Variants in SPIDR observed in about 807,000 individuals in gnomAD.
SPIDR encodes DNA repair-scaffolding protein.
In SPIDR, 93 loss-of-function variants were observed where a neutral mutation model predicts 104.6. That is an observed-to-expected ratio of 0.89 (90% CI 0.75 to 1.06). SPIDR has a LOEUF of 1.06. SPIDR is among the 50% of genes least tolerant of loss of function. The pLI, the probability that SPIDR is intolerant of heterozygous loss-of-function variation, is 0.00. For missense variants in SPIDR, 1,154 were observed against 1,111.2 expected, an observed-to-expected ratio of 1.04 and a Z score of -0.55; for synonymous variants, 431 against 416.9, an observed-to-expected ratio of 1.03 and a Z score of -0.41.
chr8:47,599,313 C>A lies in SPIDR; in HGVS notation c.1544+117C>A, dbSNP rs1384742214. The A allele has an allele frequency of 2.2e-6, 3 of 1,377,712 alleles. No individual in the cohort carries two copies. The Admixed American group carries it at 8.3e-5, about 38-fold the overall frequency. The allele number at this position is 1,377,712 out of a possible 1,614,324, so 85.3% of individuals were successfully genotyped here. A position where few individuals can be genotyped will look rare whatever the true frequency, so the allele number is the denominator to read the frequency against. ...TAGCTGCATTCACCATATACGTGAG[C>A]TGTTTTTGTTTTTCCTTGCATCAAA... is the stretch of plus-strand genomic sequence containing the variant. On this transcript the variant is annotated intron_variant, in intron 10 of 19. Coordinates refer to ENST00000297423, the MANE Select transcript of SPIDR (RefSeq NM_001080394.4).
At chr8:47,363,536 T>G (rs1374271485) in intron 5 of SPIDR, among the ~76,000 whole-genome samples, 3 of 151,450 alleles carry the variant, frequency 2.0e-5, no homozygotes, top group African/African-American at 7.3e-5. Flanking sequence ...AAAGAGTATT[T>G]CAGACTCTTC....
At chr8:47,271,089 T>C (rs1032259045) in intron 1 of SPIDR, among the ~76,000 whole-genome samples, 2 of 152,212 alleles carry the variant, frequency 1.3e-5, no homozygotes, top group African/African-American at 2.4e-5. Flanking sequence ...TTAACACTTA[T>C]TGAGGATCCT....
At chr8:47,727,125 C>G (rs2084368428) in intron 16 of SPIDR, 75 bp from the exon 17 acceptor site, 1 of 1,305,106 alleles carries the variant, frequency 7.7e-7, no homozygotes, top group South Asian at 1.2e-5. Flanking sequence ...ATGTTGTCCT[C>G]TGCACGTGGA....
chr8:47,714,178 TGATGTCCTCCCTGCAGAGCAGAGTGGA>T (rs1310550170), intron 16 of SPIDR, among the ~76,000 whole-genome samples: 1 of 152,074 alleles, frequency 6.6e-6, no homozygotes, highest in African/African-American at 2.4e-5. Flanking sequence ...CGGCCTGGTC[TGATGTCCTCCCTGCAGAGCAGAGTGGA>T]GGGACTGGGT....
chr8:47,673,963 A>T (rs983379764), intron 11 of SPIDR, 22 bp downstream of exon 11: 1 of 1,605,630 alleles, frequency 6.2e-7, no homozygotes, highest in Non-Finnish European at 8.5e-7. Flanking sequence ...CAGGAATGGC[A>T]TCCAATTTGC....
intron 8 of SPIDR, among the ~76,000 whole-genome samples, chr8:47,523,659 C>T (rs1456650230): frequency 6.6e-6 from 1 of 152,190 alleles, no homozygotes; most frequent in Non-Finnish European, 1.5e-5. Context: ...GACCACCCTG[C>T]ACCCAGGCCT....
Position 47,293,985 on chromosome 8 carries a change from T to C in SPIDR, c.480T>C (p.Ser160=). The change falls in exon 5 of 20, where the codon AGT becomes AGC. Residue 160 remains serine, a synonymous_variant. Coordinates refer to ENST00000297423, the MANE Select transcript of SPIDR (RefSeq NM_001080394.4). The stretch of plus-strand genomic sequence containing the variant: ...TCTCAGACTGTGCTTCTTGTGCAAG[T>C]AATCAGTCTTTGACAAGTGATGAGA... ...VEISDCASCA[S]NQSLTSDEKL... 2 of 1,614,168 alleles carry C rather than the reference T, an allele frequency of 1.2e-6. No homozygotes were observed. The highest frequency in any genetic ancestry group is 2.2e-5 in the South Asian group (2 of 91,074).
intron 10 of SPIDR, among the ~76,000 whole-genome samples, chr8:47,638,405 A>G (rs2068302294): frequency 6.6e-6 from 1 of 152,130 alleles, no homozygotes; most frequent in Non-Finnish European, 1.5e-5. Context: ...CAGCCTCCCA[A>G]AGTGCTGGGA....
At chr8:47,588,482 C>T (rs2060574850) in intron 8 of SPIDR, among the ~76,000 whole-genome samples, 11 of 151,996 alleles carry the variant, frequency 7.2e-5, no homozygotes, top group Admixed American at 7.2e-4. Context: ...GATTCCTTGC[C>T]ATTTCCTGTG....
At position 47,369,214 on chromosome 8, in the gene SPIDR, T is replaced by C. The variant is rs146617653; in HGVS notation, c.526-27162T>C. 3.9e-5 allele frequency among the ~76,000 whole-genome samples: 6 copies of C among 152,334 alleles called. No individual in the cohort carries two copies. In the East Asian group the frequency reaches 9.6e-4, roughly 24 times the overall value. ...CTGTCCCTTTCAGTTGGTATCATTA[T>C]CAGGTATTTTTTCAGAAAAGGTTTC... On this transcript the variant is annotated intron_variant, in intron 5 of 19. Coordinates refer to ENST00000297423, the MANE Select transcript of SPIDR (RefSeq NM_001080394.4).
chr8:47,492,161 A>C (rs115766291), intron 8 of SPIDR, among the ~76,000 whole-genome samples: 45 of 152,222 alleles, frequency 3.0e-4, no homozygotes, highest in African/African-American at 1.1e-3. Context: ...ATGTGCCAAG[A>C]ATGGCCCAGG....
intron 8 of SPIDR, among the ~76,000 whole-genome samples, chr8:47,548,801 G>A (rs2089947669): frequency 6.6e-6 from 1 of 152,132 alleles, no homozygotes. Flanking sequence ...TTAAGTTCTA[G>A]GGTACATGTG....
At chr8:47,372,222 TA>T (rs2058120405) in intron 5 of SPIDR, among the ~76,000 whole-genome samples, 1 of 152,190 alleles carries the variant, frequency 6.6e-6, no homozygotes, top group African/African-American at 2.4e-5. Flanking sequence ...AAAAATGTTT[TA>T]TTTATCGTTT....
intron 8 of SPIDR, among the ~76,000 whole-genome samples, chr8:47,444,545 TATATGGACATGTGGTA>T (rs2070180527): frequency 6.6e-6 from 1 of 152,222 alleles, no homozygotes; most frequent in Non-Finnish European, 1.5e-5. Flanking sequence ...AGTATTCCAC[TATATGGACATGTGGTA>T]ATTTAAACAT....
chr8:47,428,606 A>G (rs1255265773), intron 7 of SPIDR, among the ~76,000 whole-genome samples: 3 of 152,220 alleles, frequency 2.0e-5, no homozygotes, highest in Admixed American at 6.5e-5. Flanking sequence ...AACATGAAAC[A>G]TTATTAAAAA....
intron 5 of SPIDR, among the ~76,000 whole-genome samples, chr8:47,383,475 A>G (rs1554646618): frequency 6.6e-6 from 1 of 152,238 alleles, no homozygotes; most frequent in African/African-American, 2.4e-5. Context: ...CTACATTAAA[A>G]TGCTGTATTA....
rs182885892 is a variant in SPIDR, at chr8:47,267,211, G to C, written c.33+6220G>C. Among the ~76,000 whole-genome samples the C allele has an allele frequency of 1.1e-4, 17 of 151,800 alleles. No individual in the cohort carries two copies. The East Asian group carries it at 2.9e-3, about 26-fold the overall frequency. ...GAACTTTTTTTTTTAATTGAGATCC[G>C]GTCTCATTATATTGCCCAGGCTGGT... is the stretch of plus-strand genomic sequence containing the variant. On this transcript the variant is annotated intron_variant, in intron 1 of 19. Coordinates refer to ENST00000297423, the MANE Select transcript of SPIDR (RefSeq NM_001080394.4).
At chr8:47,580,794 G>C (rs1346345602) in intron 8 of SPIDR, among the ~76,000 whole-genome samples, 1 of 152,144 alleles carries the variant, frequency 6.6e-6, no homozygotes, top group Non-Finnish European at 1.5e-5. Context: ...GTGAATGTGT[G>C]TTTATCCATT....
At chr8:47,360,198 C>T (rs368613747) in intron 5 of SPIDR, among the ~76,000 whole-genome samples, 19 of 138,298 alleles carry the variant, frequency 1.4e-4, no homozygotes, top group African/African-American at 3.5e-4. Context: ...GCGGAGATCG[C>T]GCCACTGTGC....
Sources: gnomAD v4.1 joint callset for allele counts (sites outside exome capture counted in the v4.1 genomes callset) on GRCh38, gnomAD v4.1.1 for gene constraint, MANE v1.5 for transcripts, NCBI Gene and HGNC (gene_info 2026-07-23, HGNC 2026-07-21) for gene names.